Variants in SHISA9 observed in about 807,000 individuals in gnomAD.
SHISA9 encodes shisa family member 9, also known as protein shisa-9.
A neutral mutation model predicts 38.0 loss-of-function variants in SHISA9; 13 were observed. That is an observed-to-expected ratio of 0.34 (90% CI 0.22 to 0.54). The LOEUF (loss-of-function observed/expected upper bound fraction) is 0.54, where lower values mean the gene tolerates loss of function less well. Among genes scored for constraint, SHISA9 ranks in the 20% least tolerant of loss-of-function variants. The pLI, the probability that SHISA9 is intolerant of heterozygous loss-of-function variation, is 0.91. For synonymous variants in SHISA9, 275 were observed against 242.0 expected, an observed-to-expected ratio of 1.14 and a Z score of -1.27; for missense variants, 538 against 575.8, an observed-to-expected ratio of 0.93 and a Z score of 0.67.
the SHISA9 span, among the ~76,000 whole-genome samples, chr16:13,282,770 G>A: frequency 6.6e-6 from 1 of 151,992 alleles, no homozygotes; most frequent in Non-Finnish European, 1.5e-5. Context: ...CACCCAGTGA[G>A]TTTCTAAATT....
intron 2 of SHISA9, among the ~76,000 whole-genome samples, chr16:12,984,857 A>T (rs894592955): frequency 6.6e-6 from 1 of 152,232 alleles, no homozygotes; most frequent in Admixed American, 6.5e-5. Context: ...GTACGGCCTG[A>T]GGTGCCTAAA....
the SHISA9 span, among the ~76,000 whole-genome samples, chr16:13,544,414 GTTT>G: frequency 1.0e-4 from 13 of 130,398 alleles, no homozygotes; most frequent in African/African-American, 3.4e-4. Flanking sequence ...GTTTTTTCGG[GTTT>G]TTTTTTTTCT....
chr16:13,269,331 C>T, the SHISA9 span, among the ~76,000 whole-genome samples: 1 of 152,240 alleles, frequency 6.6e-6, no homozygotes, highest in Non-Finnish European at 1.5e-5. Flanking sequence ...CTGAGCCTTA[C>T]TTTCTGCATA....
the SHISA9 span, among the ~76,000 whole-genome samples, chr16:13,493,035 C>G: frequency 6.6e-6 from 1 of 152,072 alleles, no homozygotes; most frequent in Non-Finnish European, 1.5e-5. Context: ...AATTATTTTT[C>G]TAAGTGTTAT....
chr16:13,039,972 C>T (rs1035638855), intron 2 of SHISA9, among the ~76,000 whole-genome samples: 9 of 152,136 alleles, frequency 5.9e-5, no homozygotes, highest in African/African-American at 2.2e-4. Flanking sequence ...CCTGCCAACT[C>T]CACCCACTTA....
the SHISA9 span, among the ~76,000 whole-genome samples, chr16:13,291,615 T>C: frequency 6.6e-6 from 1 of 152,206 alleles, no homozygotes; most frequent in Non-Finnish European, 1.5e-5. Flanking sequence ...TGATCACATA[T>C]ATGCATGCGT....
the SHISA9 span, among the ~76,000 whole-genome samples, chr16:13,291,471 A>G: frequency 2.6e-5 from 4 of 152,152 alleles, no homozygotes; most frequent in Admixed American, 1.3e-4. Context: ...AAAATAACCC[A>G]CTAACTTCAT....
chr16:13,306,948 ATACT>A, the SHISA9 span, among the ~76,000 whole-genome samples: 1 of 152,210 alleles, frequency 6.6e-6, no homozygotes, highest in Non-Finnish European at 1.5e-5. Context: ...ATAGTAGTAG[ATACT>A]TAATAAATAT....
chr16:13,336,111 C>T, the SHISA9 span, among the ~76,000 whole-genome samples: 1 of 152,186 alleles, frequency 6.6e-6, no homozygotes, highest in Non-Finnish European at 1.5e-5. Flanking sequence ...GGTTTCCCGT[C>T]TCCCAGGAGC....
chr16:13,301,249 G>A, the SHISA9 span, among the ~76,000 whole-genome samples: 6 of 152,276 alleles, frequency 3.9e-5, no homozygotes, highest in Non-Finnish European at 8.8e-5. Flanking sequence ...GAAAGGAGAC[G>A]AGATTCACAC....
intron 2 of SHISA9, among the ~76,000 whole-genome samples, chr16:12,983,743 C>T (rs551394042): frequency 4.5e-4 from 69 of 152,348 alleles, no homozygotes; most frequent in Non-Finnish European, 9.4e-4. Context: ...CTGCCTCAGC[C>T]TCCCAAAGTG....
the SHISA9 span, among the ~76,000 whole-genome samples, chr16:13,295,953 C>A: frequency 6.6e-6 from 1 of 152,172 alleles, no homozygotes; most frequent in East Asian, 1.9e-4. Context: ...ACAAATACAC[C>A]TTTTTTGAGC....
intron 2 of SHISA9, among the ~76,000 whole-genome samples, chr16:13,025,602 G>C (rs12920757): frequency 6.6e-6 from 1 of 151,918 alleles, no homozygotes. Context: ...GCCAGGGGTG[G>C]GAATCACCAA....
chr16:13,226,814 T>C (rs2051284033), intron 4 of SHISA9, among the ~76,000 whole-genome samples: 1 of 152,276 alleles, frequency 6.6e-6, no homozygotes, highest in South Asian at 2.1e-4. Flanking sequence ...TCTATGGGTT[T>C]CTCATCCTCC....
intron 1 of SHISA9, 167 bp downstream of exon 1, chr16:12,902,794 AG>A: frequency 1.5e-6 from 1 of 680,708 alleles, no homozygotes; most frequent in Non-Finnish European, 2.4e-6. Flanking sequence ...AACACGGAGA[AG>A]GGGCGCTGGG....
At chr16:13,301,960 A>G in the SHISA9 span, among the ~76,000 whole-genome samples, 1 of 152,206 alleles carries the variant, frequency 6.6e-6, no homozygotes, top group Non-Finnish European at 1.5e-5. Context: ...GGACTGAGAT[A>G]ATGGAGATAA....
At chr16:13,365,315 C>A in the SHISA9 span, among the ~76,000 whole-genome samples, 1 of 152,194 alleles carries the variant, frequency 6.6e-6, no homozygotes, top group South Asian at 2.1e-4. Context: ...GGAGGACCTA[C>A]AATGTAAGGA....
chr16:13,431,823 G>T, the SHISA9 span, among the ~76,000 whole-genome samples: 4 of 152,180 alleles, frequency 2.6e-5, no homozygotes, highest in Non-Finnish European at 5.9e-5. Flanking sequence ...AACTTTGGGA[G>T]GCTGAGGCGG....
At chr16:13,415,376 C>G in the SHISA9 span, among the ~76,000 whole-genome samples, 2 of 152,084 alleles carry the variant, frequency 1.3e-5, no homozygotes, top group African/African-American at 4.8e-5. Context: ...TAAGTGGGAG[C>G]TAAATGATGA....
Sources: gnomAD v4.1 joint callset for allele counts (sites outside exome capture counted in the v4.1 genomes callset) on GRCh38, gnomAD v4.1.1 for gene constraint, MANE v1.5 for transcripts, NCBI Gene and HGNC (gene_info 2026-07-23, HGNC 2026-07-21) for gene names.